CENPW: variants seen among roughly 807,000 people sequenced by gnomAD.
The protein encoded by CENPW is cancer-up-regulated gene 2 protein.
In CENPW, 3 loss-of-function variants were observed where a neutral mutation model predicts 11.1. The observed-to-expected ratio is 0.27, with a 90% CI of 0.12 to 0.70. The LOEUF (loss-of-function observed/expected upper bound fraction) is 0.70. Ranked by LOEUF, CENPW falls within the 30% of genes least tolerant of loss-of-function variation. The pLI, the probability that CENPW is intolerant of heterozygous loss-of-function variation, is 0.77. For missense variants in CENPW, 100 were observed against 105.6 expected (o/e 0.95, Z 0.23); for synonymous variants, 38 against 42.0 (o/e 0.91, Z 0.37).
the CENPW span, among the ~76,000 whole-genome samples, chr6:126,475,789 A>G: frequency 6.6e-6 from 1 of 152,012 alleles, no homozygotes; most frequent in Non-Finnish European, 1.5e-5. Flanking sequence ...CTGTTATTAT[A>G]TATGTGTTTA....
At chr6:126,398,249 A>G in the CENPW span, among the ~76,000 whole-genome samples, 6 of 152,220 alleles carry the variant, frequency 3.9e-5, no homozygotes, top group Non-Finnish European at 7.3e-5. Flanking sequence ...TATCCCATTT[A>G]AATTTAGGCT....
chr6:126,382,913 T>G, the CENPW span, among the ~76,000 whole-genome samples: 5 of 152,104 alleles, frequency 3.3e-5, no homozygotes, highest in African/African-American at 1.2e-4. Flanking sequence ...AGGCCAACAT[T>G]CAAATCCAGG....
At chr6:126,466,616 A>G in the CENPW span, among the ~76,000 whole-genome samples, 2 of 152,096 alleles carry the variant, frequency 1.3e-5, no homozygotes, top group African/African-American at 4.8e-5. Context: ...AGGTGTGTGC[A>G]TGTACGTGCA....
chr6:126,468,810 A>G, the CENPW span, among the ~76,000 whole-genome samples: 4 of 152,076 alleles, frequency 2.6e-5, no homozygotes, highest in Non-Finnish European at 4.4e-5. Context: ...TGTGGAGCAT[A>G]TCTTTTTTAT....
At chr6:126,442,647 C>T in the CENPW span, among the ~76,000 whole-genome samples, 1 of 151,288 alleles carries the variant, frequency 6.6e-6, no homozygotes, top group African/African-American at 2.4e-5. Context: ...CTAGTGGTTA[C>T]TCACAAAAAG....
chr6:126,456,154 C>G, the CENPW span, among the ~76,000 whole-genome samples: 1 of 151,296 alleles, frequency 6.6e-6, no homozygotes, highest in African/African-American at 2.4e-5. Flanking sequence ...CAGATTCAAT[C>G]CTATTCCTAT....
At chr6:126,340,423 C>G in intron 1 of CENPW, 24 bp downstream of exon 1, 1 of 1,614,122 alleles carries the variant, frequency 6.2e-7, no homozygotes, top group Non-Finnish European at 8.5e-7. Flanking sequence ...CCTTCTCGGG[C>G]TGGGAATGGG....
chr6:126,465,047 C>G, the CENPW span, among the ~76,000 whole-genome samples: 1 of 151,850 alleles, frequency 6.6e-6, no homozygotes, highest in East Asian at 1.9e-4. Context: ...AAAAGGCATC[C>G]AGACTGAAAA....
At chr6:126,473,231 C>T in the CENPW span, among the ~76,000 whole-genome samples, 1 of 152,004 alleles carries the variant, frequency 6.6e-6, no homozygotes, top group Admixed American at 6.6e-5. Flanking sequence ...ACATGTAGGC[C>T]TTTTTGTTTT....
At chr6:126,425,008 A>G in the CENPW span, among the ~76,000 whole-genome samples, 1 of 152,226 alleles carries the variant, frequency 6.6e-6, no homozygotes, top group African/African-American at 2.4e-5. Context: ...TTTGTAGGAA[A>G]AAAGACAATA....
chr6:126,451,401 G>T, the CENPW span, among the ~76,000 whole-genome samples: 1 of 151,030 alleles, frequency 6.6e-6, no homozygotes, highest in Non-Finnish European at 1.5e-5. Flanking sequence ...TGGCCTGAAC[G>T]TACATCCTGA....
the CENPW span, among the ~76,000 whole-genome samples, chr6:126,460,623 A>G: frequency 6.6e-6 from 1 of 151,760 alleles, no homozygotes; most frequent in Non-Finnish European, 1.5e-5. Context: ...TGTTAACGAA[A>G]ACCAGAGCTG....
chr6:126,346,166 T>C, intron 1 of CENPW, 39 bp from the exon 2 acceptor site: 1 of 1,208,104 alleles, frequency 8.3e-7, no homozygotes, highest in Non-Finnish European at 1.2e-6. Context: ...TGCATCAGTA[T>C]TTGAGCTTAA....
the CENPW span, among the ~76,000 whole-genome samples, chr6:126,439,239 C>G: frequency 6.6e-6 from 1 of 151,566 alleles, no homozygotes; most frequent in East Asian, 1.9e-4. Context: ...GAATATGTAC[C>G]ACATGTTTTC....
At chr6:126,445,244 T>C in the CENPW span, among the ~76,000 whole-genome samples, 1 of 151,182 alleles carries the variant, frequency 6.6e-6, no homozygotes, top group Admixed American at 6.6e-5. Flanking sequence ...ATACAGGGGC[T>C]GATACCATGT....
At chr6:126,340,435 C>T (rs1780280375) in intron 1 of CENPW, 36 bp downstream of exon 1, 2 of 1,614,052 alleles carry the variant, frequency 1.2e-6, no homozygotes, top group Non-Finnish European at 1.7e-6. Context: ...GGGAATGGGG[C>T]ACGGGAGAGG....
At chr6:126,419,806 T>G in the CENPW span, among the ~76,000 whole-genome samples, 1 of 152,160 alleles carries the variant, frequency 6.6e-6, no homozygotes, top group East Asian at 1.9e-4. Flanking sequence ...CATCATCATA[T>G]GTTTTCTCCA....
chr6:126,476,239 C>G, the CENPW span, among the ~76,000 whole-genome samples: 1 of 151,874 alleles, frequency 6.6e-6, no homozygotes, highest in African/African-American at 2.4e-5. Context: ...GTGTTGTGGT[C>G]AGTTGAAGCT....
the CENPW span, among the ~76,000 whole-genome samples, chr6:126,473,665 G>A: frequency 5.3e-5 from 8 of 151,800 alleles, no homozygotes; most frequent in African/African-American, 1.7e-4. Context: ...CTTGGGAGGC[G>A]GAGGTTGCAG....
Sources: gnomAD v4.1 joint callset for allele counts (sites outside exome capture counted in the v4.1 genomes callset) on GRCh38, gnomAD v4.1.1 for gene constraint, MANE v1.5 for transcripts, NCBI Gene and HGNC (gene_info 2026-07-23, HGNC 2026-07-21) for gene names.